Variants in STK31 observed in about 807,000 individuals in gnomAD.
STK31 encodes serine/threonine-protein kinase 31.
A neutral mutation model predicts 129.7 loss-of-function variants in STK31; 89 were observed. That is an observed-to-expected ratio of 0.69 (90% CI 0.58 to 0.82). STK31 has a LOEUF of 0.82. STK31 is among the 40% of genes least tolerant of loss of function. The pLI is 0.00. For synonymous variants in STK31, 448 were observed against 395.3 expected, an observed-to-expected ratio of 1.13 and a Z score of -1.58; for missense variants, 1,187 against 1,176.4, an observed-to-expected ratio of 1.01 and a Z score of -0.13.
chr7:23,744,872 A>G (rs1788254756), intron 8 of STK31, among the ~76,000 whole-genome samples: 1 of 152,060 alleles, frequency 6.6e-6, no homozygotes, highest in African/African-American at 2.4e-5. Context: ...TTTCCAGGAC[A>G]GCACATGCTG....
At chr7:23,717,717 G>T (rs1786436494) in intron 4 of STK31, 138 bp downstream of exon 4, 1 of 630,822 alleles carries the variant, frequency 1.6e-6, no homozygotes, top group Non-Finnish European at 2.8e-6. Context: ...TACTGTTATG[G>T]TATATTTATT....
Position 23,710,261 on chromosome 7 carries a change from G to T in STK31, c.-25G>T, listed in dbSNP as rs1021459907. The T allele has an allele frequency of 3.7e-6, 6 of 1,608,062 alleles. No homozygotes were observed. The Admixed American group carries it at 5.1e-5, about 14-fold the overall frequency. On this transcript the variant is annotated 5_prime_UTR_variant, in exon 1 of 24. Coordinates refer to ENST00000355870, the MANE Select transcript of STK31 (RefSeq NM_031414.5). ...GGTAAGCCGCTGCACGTGTGCTACG[G>T]CGGGCGGAGGGCCGAAAGTCCAGTA...
chr7:23,723,311 C>G (rs568553335), intron 4 of STK31, among the ~76,000 whole-genome samples: 35 of 152,256 alleles, frequency 2.3e-4, no homozygotes, highest in African/African-American at 8.2e-4. Flanking sequence ...AGATAAGTGT[C>G]TCTATATGAT....
At chr7:23,717,690 T>C in intron 4 of STK31, 111 bp downstream of exon 4, 1 of 775,782 alleles carries the variant, frequency 1.3e-6, no homozygotes, top group East Asian at 2.7e-5. Flanking sequence ...AGGCTGATTT[T>C]TGGAATTTGT....
chr7:23,765,886 T>C (rs1485285826), intron 11 of STK31, among the ~76,000 whole-genome samples: 2 of 152,168 alleles, frequency 1.3e-5, no homozygotes, highest in Non-Finnish European at 2.9e-5. Context: ...CTGCCTTTGG[T>C]GTCTTTCCTC....
chr7:23,819,563 C>G (rs1031887733), intron 23 of STK31, among the ~76,000 whole-genome samples: 2 of 146,988 alleles, frequency 1.4e-5, no homozygotes, highest in East Asian at 4.1e-4. Flanking sequence ...TACTGGCATG[C>G]GCCACCATGC....
rs557398808 is a variant in STK31, at chr7:23,765,001, CCTTT to C, written c.1416+2083_1416+2086del. Among the ~76,000 whole-genome samples the C allele has an allele frequency of 2.6e-3, 391 of 151,604 alleles. 5 individuals carry two copies. The highest frequency in any genetic ancestry group is 0.017 in the South Asian group (82 of 4,780). On this transcript the variant is annotated intron_variant, in intron 11 of 23. Coordinates refer to ENST00000355870, the MANE Select transcript of STK31 (RefSeq NM_031414.5). ...GTTTGCCTTTTAAGTTCGTATCCCA[CCTTT>C]CTTTTTGGTTAACACTGCAACATCT...
intron 21 of STK31, among the ~76,000 whole-genome samples, chr7:23,788,555 T>C (rs944534503): frequency 1.3e-5 from 2 of 152,138 alleles, no homozygotes; most frequent in Admixed American, 6.6e-5. Flanking sequence ...CCTTGGACTT[T>C]TTAGTTTAAA....
At chr7:23,762,126 T>G (rs1789509069) in intron 10 of STK31, among the ~76,000 whole-genome samples, 1 of 152,016 alleles carries the variant, frequency 6.6e-6, no homozygotes, top group African/African-American at 2.4e-5. Flanking sequence ...AGGGTACATG[T>G]GCACAATGTG....
At chr7:23,744,727 G>C (rs780082211) in intron 8 of STK31, among the ~76,000 whole-genome samples, 1 of 152,178 alleles carries the variant, frequency 6.6e-6, no homozygotes, top group Admixed American at 6.5e-5. Context: ...AGTGGCGTTT[G>C]TGATTTCCTC....
chr7:23,718,621 T>C (rs1353090675), intron 4 of STK31, among the ~76,000 whole-genome samples: 1 of 152,156 alleles, frequency 6.6e-6, no homozygotes, highest in East Asian at 1.9e-4. Context: ...TGGCTTCTTT[T>C]GTTCAACATA....
chr7:23,742,271 A>C (rs1459186269), intron 8 of STK31, among the ~76,000 whole-genome samples: 1 of 152,186 alleles, frequency 6.6e-6, no homozygotes, highest in Non-Finnish European at 1.5e-5. Context: ...AGGTGTATGG[A>C]GTATGATCTA....
At chr7:23,711,758 TTTA>T (rs1785980202) in intron 1 of STK31, among the ~76,000 whole-genome samples, 1 of 152,150 alleles carries the variant, frequency 6.6e-6, no homozygotes, top group African/African-American at 2.4e-5. Context: ...GGAAGTCCTT[TTTA>T]TGGGAGGATA....
chr7:23,716,029 A>G (rs1786294223), intron 3 of STK31, among the ~76,000 whole-genome samples: 1 of 152,170 alleles, frequency 6.6e-6, no homozygotes, highest in African/African-American at 2.4e-5. Flanking sequence ...ACATTAGTAC[A>G]ATGCTATTAA....
intron 10 of STK31, among the ~76,000 whole-genome samples, chr7:23,759,280 C>G (rs2128097615): frequency 6.6e-6 from 1 of 152,278 alleles, no homozygotes; most frequent in African/African-American, 2.4e-5. Flanking sequence ...TCAAGTGGAC[C>G]TGATAGACGT....
intron 18 of STK31, 147 bp downstream of exon 18, chr7:23,785,750 G>A: frequency 9.7e-7 from 1 of 1,034,230 alleles, no homozygotes; most frequent in Non-Finnish European, 1.3e-6. Flanking sequence ...TAGTTTGGTT[G>A]CCAGAACTAA....
At chr7:23,737,104 A>T in intron 8 of STK31, 26 bp downstream of exon 8, 1 of 1,550,112 alleles carries the variant, frequency 6.5e-7, no homozygotes, top group Middle Eastern at 1.7e-4. Flanking sequence ...TAAGGTGAAG[A>T]GTGTCCAACT....
At chr7:23,730,871 TATATATA>T (rs201792915) in intron 6 of STK31, among the ~76,000 whole-genome samples, 2 of 50,928 alleles carry the variant, frequency 3.9e-5, no homozygotes, top group South Asian at 9.0e-4. Flanking sequence ...TATATATATA[TATATATA>T]TTTTTTTTTT....
chr7:23,812,751 A>G (rs548019513), intron 22 of STK31, among the ~76,000 whole-genome samples: 1 of 152,180 alleles, frequency 6.6e-6, no homozygotes, highest in South Asian at 2.1e-4. Context: ...CCTACTTATA[A>G]GTGAGAAAAT....
Sources: gnomAD v4.1 joint callset for allele counts (sites outside exome capture counted in the v4.1 genomes callset) on GRCh38, gnomAD v4.1.1 for gene constraint, MANE v1.5 for transcripts, NCBI Gene and HGNC (gene_info 2026-07-23, HGNC 2026-07-21) for gene names.